ZNF276: variants seen among roughly 807,000 people sequenced by gnomAD.
ZNF276 encodes centromere protein Z.
ZNF276 carries 59 observed loss-of-function variants against 63.9 expected under a neutral mutation model. That is an observed-to-expected ratio of 0.92 (90% CI 0.75 to 1.15). The LOEUF is 1.15. Ranked by LOEUF, ZNF276 falls within the 50% of genes most tolerant of loss-of-function variation. ZNF276 has a pLI of 0.00. For missense variants in ZNF276, 1,084 were observed against 843.8 expected (o/e 1.28, Z -3.53); for synonymous variants, 496 against 348.4 (o/e 1.42, Z -4.72).
At position 89,723,582 on chromosome 16, in the gene ZNF276, C is replaced by A; in HGVS notation, c.879C>A (p.Thr293=). Residue 293 remains threonine (T), a synonymous_variant, in exon 4 of 11, where the codon ACC becomes ACA. Coordinates refer to ENST00000443381, the MANE Select transcript of ZNF276 (RefSeq NM_001113525.2). ...CCTCCCAGGGTAGAGGGACAGGGAC[C>A]CCAGTTGGGGCTGAGACCAAGACCC... ...PQTSQGRGTG[T]PVGAETKTLP... 6.2e-7 allele frequency: 1 copy of A among 1,612,824 alleles called. No homozygotes were observed. Among genetic ancestry groups the A allele is most frequent in the Non-Finnish European group, 8.5e-7 (1 of 1,180,014 alleles).
Position 89,738,778 on chromosome 16 carries a change from G to A in ZNF276, c.*532G>A, listed in dbSNP as rs1567591472. ...CTCAGACCACAGGGGAGGGGCTCTG[G>A]CAGAAATAGTCGAGTTGTATTGCCA... is the stretch of plus-strand genomic sequence containing the variant. On this transcript the variant is annotated 3_prime_UTR_variant, in exon 11 of 11. Transcript: ENST00000443381. The A allele has an allele frequency of 6.2e-7, 1 of 1,612,402 alleles. No individual in the cohort carries two copies. Among genetic ancestry groups the A allele is most frequent in the Non-Finnish European group, 8.5e-7 (1 of 1,179,448 alleles).
chr16:89,733,281 T>C (rs1187804470), intron 6 of ZNF276, 21 bp from the exon 7 acceptor site: 2 of 1,604,392 alleles, frequency 1.2e-6, no homozygotes, highest in Non-Finnish European at 8.5e-7. Flanking sequence ...ACCATTGAAT[T>C]TGGGAACCTC....
rs1461376582 is a variant in ZNF276, at chr16:89,739,532, A to AG, written c.*1288dup. Reference sequence around the variant, plus strand: ...GTGCTGATCCGGGGCCACACGGAGGAGGAGCCGCCCCAGCCTGAGGTCTGC... The same window carrying AG: ...GTGCTGATCCGGGGCCACACGGAGGAGGGAGCCGCCCCAGCCTGAGGTCTGC... On this transcript the variant is annotated 3_prime_UTR_variant, in exon 11 of 11. Transcript: ENST00000443381. 6.4e-7 allele frequency: 1 copy of AG among 1,551,354 alleles called. No homozygotes were observed. Among genetic ancestry groups the AG allele is most frequent in the Admixed American group, 2.0e-5 (1 of 51,014 alleles).
Position 89,733,413 on chromosome 16 carries a change from G to GT in ZNF276, c.1280+2dup, listed in dbSNP as rs2061740489. 6.2e-7 allele frequency: 1 copy of GT among 1,614,060 alleles called. No individual in the cohort carries two copies. The highest frequency in any genetic ancestry group is 1.1e-5 in the South Asian group (1 of 91,092). ...GGAAGAAGAAGCTTCGTTGTGAGAG[G>GT]TGATGCCTGCAACGCGAGGCTCGCC... On this transcript the variant is annotated splice_donor_variant, in intron 7 of 10. Coordinates refer to ENST00000443381, the MANE Select transcript of ZNF276 (RefSeq NM_001113525.2). LOFTEE classifies it high-confidence loss of function.
intron 9 of ZNF276, among the ~76,000 whole-genome samples, chr16:89,736,423 C>G (rs1313666698): frequency 1.3e-5 from 2 of 150,266 alleles, no homozygotes; most frequent in Non-Finnish European, 3.0e-5. Context: ...CTCCTGGGTT[C>G]ATGCAATTCT....
chr16:89,740,090 C>T lies in ZNF276; in HGVS notation c.*1844C>T, dbSNP rs914045767. 5.6e-6 allele frequency: 9 copies of T among 1,613,994 alleles called. No homozygotes were observed. Among genetic ancestry groups the T allele is most frequent in the Non-Finnish European group, 7.6e-6 (9 of 1,180,024 alleles). On this transcript the variant is annotated 3_prime_UTR_variant, in exon 11 of 11. Coordinates refer to ENST00000443381, the MANE Select transcript of ZNF276 (RefSeq NM_001113525.2). ...CAAACGTGGAAAGCCTTTGGCAGGT[C>T]TGTGGTGCTCTGTAAACCGCAGGAG... is the stretch of plus-strand genomic sequence containing the variant.
In ZNF276 at chr16:89,739,784, T is replaced by A. The variant is rs577860270; in HGVS notation, c.*1538T>A. On this transcript the variant is annotated 3_prime_UTR_variant, in exon 11 of 11. Coordinates refer to ENST00000443381, the MANE Select transcript of ZNF276 (RefSeq NM_001113525.2). ...GTGGTGCAGAGAGAGGCAGTCCCCA[T>A]GATAGGCCCATTGGTCCTGGGGTTG... The A allele has an allele frequency of 1.4e-6, 2 of 1,469,222 alleles. No individual in the cohort carries two copies. Among genetic ancestry groups the A allele is most frequent in the African/African-American group, 2.8e-5 (2 of 71,236 alleles). 91.0% of individuals were successfully genotyped at this position (1,469,222 alleles called of 1,614,324 possible). A position where few individuals can be genotyped will look rare whatever the true frequency, so the allele number is the denominator to read the frequency against.
Position 89,739,025 on chromosome 16 carries a change from G to A in ZNF276, c.*779G>A, listed in dbSNP as rs371280585. The stretch of plus-strand genomic sequence containing the variant: ...AGGTTAGAAGACATACAGAAACAGG[G>A]CTGGTGTGTCCCCCATAGTCTGCAT... On this transcript the variant is annotated 3_prime_UTR_variant, in exon 11 of 11. Transcript: ENST00000443381. 3.1e-6 allele frequency: 5 copies of A among 1,614,000 alleles called. No individual in the cohort carries two copies. In the African/African-American group the frequency reaches 4.0e-5, roughly 13 times the overall value.
upstream of ZNF276, chr16:89,720,632 C>T (rs4785589): frequency 0.38 from 470,474 of 1,236,480 alleles, 94,814 homozygotes; most frequent in Non-Finnish European, 0.41. Flanking sequence ...CCGGGAACCG[C>T]GGCCCGGGAT....
chr16:89,737,777 C>CCTGGACTCA, intron 9 of ZNF276, 29 bp from the exon 10 acceptor site: 1 of 1,614,000 alleles, frequency 6.2e-7, no homozygotes, highest in Non-Finnish European at 8.5e-7. Flanking sequence ...GCATCAGGGG[C>CCTGGACTCA]CTGGACTCAC....
At chr16:89,733,104 C>T (rs1458873067) in intron 6 of ZNF276, 198 bp from the exon 7 acceptor site, 2 of 607,912 alleles carry the variant, frequency 3.3e-6, no homozygotes, top group Non-Finnish European at 5.9e-6. Context: ...CGCCCTTGCC[C>T]TCTGCTGTGC....
intron 6 of ZNF276, chr16:89,732,156 G>C (rs1405141038): frequency 1.6e-5 from 2 of 125,318 alleles, no homozygotes; most frequent in Admixed American, 8.8e-5. Flanking sequence ...GGAACCACAA[G>C]TGCGTCTCTC....
chr16:89,726,051 T>C (rs1416167909), intron 4 of ZNF276, among the ~76,000 whole-genome samples: 1 of 152,238 alleles, frequency 6.6e-6, no homozygotes, highest in African/African-American at 2.4e-5. Context: ...AGTCTCACTC[T>C]GTCGCCCAGG....
chr16:89,723,781 G>C, intron 4 of ZNF276, 72 bp downstream of exon 4: 1 of 1,446,412 alleles, frequency 6.9e-7, no homozygotes, highest in East Asian at 2.4e-5. Flanking sequence ...TCAGCAGAAA[G>C]TGAATGTCTC....
intron 6 of ZNF276, 104 bp downstream of exon 6, chr16:89,729,422 G>C (rs765395573): frequency 1.9e-6 from 2 of 1,033,760 alleles, no homozygotes; most frequent in South Asian, 1.3e-5. Flanking sequence ...TCACTCTCTC[G>C]TGTGCGGATC....
intron 1 of ZNF276, 72 bp downstream of exon 1, chr16:89,721,917 G>A (rs886656474): frequency 9.5e-7 from 1 of 1,056,572 alleles, no homozygotes; most frequent in Non-Finnish European, 1.2e-6. Flanking sequence ...CCGCACTGAC[G>A]CCCGGAAGCC....
rs1390193397 is a variant in ZNF276, at chr16:89,722,697, T to G, written c.372T>G (p.Ala124=). ...VRDFQRLLGV[A]VRQDPTLSPF... Reference sequence around the variant, plus strand: ...ACTTCCAGCGCCTGCTTGGTGTGGCTGTCCGCCAGGACCCCACCTTGTCTC... The same window carrying G: ...ACTTCCAGCGCCTGCTTGGTGTGGCGGTCCGCCAGGACCCCACCTTGTCTC... Residue 124 remains alanine (A), a synonymous_variant, in exon 2 of 11, where the codon GCT becomes GCG. Coordinates refer to ENST00000443381, the MANE Select transcript of ZNF276 (RefSeq NM_001113525.2). 1 of 1,612,434 alleles carries G rather than the reference T, an allele frequency of 6.2e-7. No individual in the cohort carries two copies. Among genetic ancestry groups the G allele is most frequent in the South Asian group, 1.1e-5 (1 of 91,090 alleles).
chr16:89,725,759 C>T (rs911980445), intron 4 of ZNF276, among the ~76,000 whole-genome samples: 3 of 152,018 alleles, frequency 2.0e-5, no homozygotes, highest in Non-Finnish European at 4.4e-5. Flanking sequence ...CCACTACGCT[C>T]TGGCCTGACC....
chr16:89,723,691 C>A lies in ZNF276; in HGVS notation c.988C>A (p.Pro330Thr). ...RSGFPPQPSLPLCRAPGQLGE... is the reference protein window; with the variant it reads ...RSGFPPQPSLTLCRAPGQLGE... ...GGGCTTCCCACCTCAGCCAAGCCTG[C>A]CCCTTTGCAGGGCCCCAGGTAGGAG... The change falls in exon 4 of 11, where the codon CCC (proline) becomes ACC (threonine). Residue 330 changes from proline (P) to threonine (T), a missense_variant. Pro to Thr is a conservative substitution (Grantham distance 38). Coordinates refer to ENST00000443381, the MANE Select transcript of ZNF276 (RefSeq NM_001113525.2). The A allele has an allele frequency of 1.2e-6, 2 of 1,610,480 alleles. No individual in the cohort carries two copies. Among genetic ancestry groups the A allele is most frequent in the South Asian group, 1.1e-5 (1 of 91,032 alleles).
Sources: gnomAD v4.1 joint callset for allele counts (sites outside exome capture counted in the v4.1 genomes callset) on GRCh38, gnomAD v4.1.1 for gene constraint, MANE v1.5 for transcripts, NCBI Gene and HGNC (gene_info 2026-07-23, HGNC 2026-07-21) for gene names.